Variants in TRIM62 observed in about 807,000 individuals in gnomAD.
TRIM62 encodes tripartite motif containing 62.
TRIM62 carries 39 observed loss-of-function variants against 44.2 expected under a neutral mutation model. The observed-to-expected ratio is 0.88, with a 90% CI of 0.68 to 1.15. TRIM62 has a LOEUF of 1.15. Among genes scored for constraint, TRIM62 ranks in the 50% most tolerant of loss-of-function variants. The pLI, the probability that TRIM62 is intolerant of heterozygous loss-of-function variation, is 0.00. For synonymous variants in TRIM62, 278 were observed against 292.3 expected, an observed-to-expected ratio of 0.95 and a Z score of 0.50; for missense variants, 544 against 665.5, an observed-to-expected ratio of 0.82 and a Z score of 2.01.
rs1553171107 is a variant in TRIM62, at chr1:33,165,419, A to AGCCCTGCCCTCATCTCTGCCG, written c.504+31_504+51dup. 3 of 1,491,140 alleles carry AGCCCTGCCCTCATCTCTGCCG rather than the reference A, an allele frequency of 2.0e-6. No individual in the cohort carries two copies. In the African/African-American group the frequency reaches 4.2e-5, roughly 21 times the overall value. The allele number at this position is 1,491,140 out of a possible 1,614,324, so 92.4% of individuals were successfully genotyped here. ...TTCCCCAGCTGGCCCCGCCCCTCGA[A>AGCCCTGCCCTCATCTCTGCCG]GCCCTGCCCTCATCTCTGCCGGCCC... On this transcript the variant is annotated intron_variant, in intron 2 of 4. Transcript: ENST00000291416. This position sits in a 1 kb window ranked among gnomAD's most constrained non-coding sequence, Gnocchi z 4.0.
intron 4 of TRIM62, among the ~76,000 whole-genome samples, chr1:33,149,145 C>T (rs1645060824): frequency 6.6e-6 from 1 of 152,092 alleles, no homozygotes; most frequent in Admixed American, 6.6e-5. Context: ...TTCCTTTTGC[C>T]TCTTCTTTTT....
rs1645343164 is a variant in TRIM62, at chr1:33,167,960, C to T, written c.409-2394G>A. On this transcript the variant is annotated intron_variant, in intron 1 of 4. Transcript: ENST00000291416. The surrounding 1 kb of genome is among the most constrained non-coding windows in gnomAD (Gnocchi z 4.2). Reference sequence around the variant, plus strand: ...GGCGAAGGACAAGACAGACACAGTCCCTGATCATAGGGACTAGTCTGGTGG... The same window carrying T: ...GGCGAAGGACAAGACAGACACAGTCTCTGATCATAGGGACTAGTCTGGTGG... Among the ~76,000 whole-genome samples the T allele has an allele frequency of 6.6e-6, 1 of 152,116 alleles. No individual in the cohort carries two copies. Among genetic ancestry groups the T allele is most frequent in the Non-Finnish European group, 1.5e-5 (1 of 68,026 alleles).
chr1:33,165,370 C>T lies in TRIM62; in HGVS notation c.504+101G>A, dbSNP rs1212854099. 5 of 1,138,498 alleles carry T rather than the reference C, an allele frequency of 4.4e-6. No individual in the cohort carries two copies. Among genetic ancestry groups the T allele is most frequent in the Admixed American group, 2.5e-5 (1 of 40,768 alleles). The allele number at this position is 1,138,498 out of a possible 1,614,324, so 70.5% of individuals were successfully genotyped here. On this transcript the variant is annotated intron_variant, in intron 2 of 4. Transcript: ENST00000291416. This position sits in a 1 kb window ranked among gnomAD's most constrained non-coding sequence, Gnocchi z 4.0. The stretch of plus-strand genomic sequence containing the variant: ...TGGCTCCTTGAAGCCAGGTTTCCAC[C>T]GCACACCCGAGGCCCCGCCCCTCTT...
rs181655405 is a variant in TRIM62 at position 33,170,431 on chromosome 1, G to A, written c.409-4865C>T. On this transcript the variant is annotated intron_variant, in intron 1 of 4. Coordinates refer to ENST00000291416, the MANE Select transcript of TRIM62 (RefSeq NM_018207.3). Reference sequence around the variant, plus strand: ...AAAAATCTCCCCCACTAGATTATGGGCTCTTGAGGGCAAGGACTGTGGAAA... The same window carrying A: ...AAAAATCTCCCCCACTAGATTATGGACTCTTGAGGGCAAGGACTGTGGAAA... Among the ~76,000 whole-genome samples the A allele has an allele frequency of 2.2e-3, 340 of 152,152 alleles. 1 individual carries two copies. Among genetic ancestry groups the A allele is most frequent in the Middle Eastern group, 6.8e-3 (2 of 294 alleles).
rs1645335760 is a variant in TRIM62, at chr1:33,167,086, C to G, written c.409-1520G>C. Among the ~76,000 whole-genome samples, 2 of 152,250 alleles carry G rather than the reference C, an allele frequency of 1.3e-5. No homozygotes were observed. The highest frequency in any genetic ancestry group is 2.1e-4 in the South Asian group (1 of 4,818). ...ATCTTCAGACTATGCCCTGGCTATT[C>G]CCTCTGGCTGGTGGCCTCCACTCTC... is the stretch of plus-strand genomic sequence containing the variant. On this transcript the variant is annotated intron_variant, in intron 1 of 4. Coordinates refer to ENST00000291416, the MANE Select transcript of TRIM62 (RefSeq NM_018207.3). The surrounding 1 kb of genome is among the most constrained non-coding windows in gnomAD (Gnocchi z 4.2).
At position 33,159,880 on chromosome 1, in the gene TRIM62, C is replaced by A; in HGVS notation, c.569G>T (p.Arg190Leu). ...CTCTAGCATGGCCTTCTGGCGTTCA[C>A]GCAGCAGCCGGTGCAGCCGCTCGAA... ...EAFERLHRLL[R>L]ERQKAMLEEL... The change falls in exon 3 of 5, where the codon CGT becomes CTT. Residue 190 changes from arginine (R) to leucine (L), a missense_variant. Coordinates refer to ENST00000291416, the MANE Select transcript of TRIM62 (RefSeq NM_018207.3). The surrounding 1 kb of genome is among the most constrained non-coding windows in gnomAD (Gnocchi z 4.2). 1 of 1,611,834 alleles carries A rather than the reference C, an allele frequency of 6.2e-7. No homozygotes were observed. Among genetic ancestry groups the A allele is most frequent in the Non-Finnish European group, 8.5e-7 (1 of 1,180,014 alleles).
At position 33,158,427 on chromosome 1, in the gene TRIM62, G is replaced by C. The variant is rs1645211877; in HGVS notation, c.762-59C>G. ...GGACTGGATTCCTGCCCCAATGCCA[G>C]GGGCCCCGCAGCCACCTTCAGGGCA... On this transcript the variant is annotated intron_variant, in intron 3 of 4. Transcript: ENST00000291416. The C allele has an allele frequency of 3.4e-6, 5 of 1,491,644 alleles. No homozygotes were observed. The South Asian group carries it at 5.7e-5, about 17-fold the overall frequency. The allele number at this position is 1,491,644 out of a possible 1,614,324, so 92.4% of individuals were successfully genotyped here. A position where few individuals can be genotyped will look rare whatever the true frequency, so the allele number is the denominator to read the frequency against.
chr1:33,169,867 A>G (rs1645359353), intron 1 of TRIM62, among the ~76,000 whole-genome samples: 3 of 152,176 alleles, frequency 2.0e-5, no homozygotes, highest in Admixed American at 2.0e-4. Flanking sequence ...CTGCAGACAC[A>G]CTGAGCAGCT....
At chr1:33,176,439 GTC>G in intron 1 of TRIM62, 1 of 697,832 alleles carries the variant, frequency 1.4e-6, no homozygotes, top group Non-Finnish European at 2.6e-6. Flanking sequence ...ATCCACTGCT[GTC>G]TTCTCTGGCA....
At chr1:33,172,267 G>C (rs1444730626) in intron 1 of TRIM62, among the ~76,000 whole-genome samples, 2 of 152,194 alleles carry the variant, frequency 1.3e-5, no homozygotes, top group East Asian at 3.8e-4. Context: ...GAAGGAGTTT[G>C]TTTCTGATGG....
chr1:33,145,901 C>G lies in TRIM62; in HGVS notation c.*1276G>C, dbSNP rs1389953722. ...CCCAGACTCCCTTGCAGCCAAGGTTCTGGATCTGACTTAAGTTCCCCCAAA... is the reference window on the plus strand; with the variant it reads ...CCCAGACTCCCTTGCAGCCAAGGTTGTGGATCTGACTTAAGTTCCCCCAAA... On this transcript the variant is annotated 3_prime_UTR_variant, in exon 5 of 5. Coordinates refer to ENST00000291416, the MANE Select transcript of TRIM62 (RefSeq NM_018207.3). 2.1e-6 allele frequency: 1 copy of G among 471,170 alleles called. No homozygotes were observed. 29.2% of individuals were successfully genotyped at this position (471,170 alleles called of 1,614,324 possible).
chr1:33,151,900 T>C (rs923482947), intron 4 of TRIM62, among the ~76,000 whole-genome samples: 1 of 152,214 alleles, frequency 6.6e-6, no homozygotes, highest in Non-Finnish European at 1.5e-5. Context: ...GTGAGTGGAT[T>C]GTGTTTCTTT....
Position 33,177,083 on chromosome 1 carries a change from ATG to A in TRIM62, c.408+3940_408+3941del, listed in dbSNP as rs1192581403. On this transcript the variant is annotated intron_variant, in intron 1 of 4. Coordinates refer to ENST00000291416, the MANE Select transcript of TRIM62 (RefSeq NM_018207.3). The surrounding 1 kb of genome is among the most constrained non-coding windows in gnomAD (Gnocchi z 4.1). The stretch of plus-strand genomic sequence containing the variant: ...CACACACATGCACACACACACATGC[ATG>A]CACAAATGCACACACATGCACACAC... 6.6e-6 allele frequency among the ~76,000 whole-genome samples: 1 copy of A among 151,050 alleles called. No individual in the cohort carries two copies. Among genetic ancestry groups the A allele is most frequent in the Admixed American group, 6.6e-5 (1 of 15,166 alleles).
intron 1 of TRIM62, among the ~76,000 whole-genome samples, chr1:33,178,721 G>T (rs1645439681): frequency 6.6e-6 from 1 of 152,242 alleles, no homozygotes; most frequent in African/African-American, 2.4e-5. Flanking sequence ...GCCCACAGCA[G>T]GTTTGGAACC....
At chr1:33,170,988 G>T (rs1645369889) in intron 1 of TRIM62, among the ~76,000 whole-genome samples, 1 of 152,076 alleles carries the variant, frequency 6.6e-6, no homozygotes, top group South Asian at 2.1e-4. Context: ...TCGCTTCTTT[G>T]TGTCTTCATC....
intron 4 of TRIM62, among the ~76,000 whole-genome samples, chr1:33,154,669 G>T (rs1645150053): frequency 6.6e-6 from 1 of 151,694 alleles, no homozygotes. Context: ...GCAGTGGCGT[G>T]TGCCTGTAAT....
rs1645434571 is a variant in TRIM62, at chr1:33,177,915, G to C, written c.408+3110C>G. Among the ~76,000 whole-genome samples, 1 of 152,164 alleles carries C rather than the reference G, an allele frequency of 6.6e-6. No homozygotes were observed. Among genetic ancestry groups the C allele is most frequent in the African/African-American group, 2.4e-5 (1 of 41,418 alleles). ...TAATTACTTCCATGCTGTCCATGAA[G>C]GACCCAAGGCTCAGAGATGGTAAAT... On this transcript the variant is annotated intron_variant, in intron 1 of 4. Coordinates refer to ENST00000291416, the MANE Select transcript of TRIM62 (RefSeq NM_018207.3). This position sits in a 1 kb window ranked among gnomAD's most constrained non-coding sequence, Gnocchi z 4.1.
Position 33,165,846 on chromosome 1 carries a change from T to C in TRIM62, c.409-280A>G. 7.3e-6 allele frequency: 2 copies of C among 274,024 alleles called. No homozygotes were observed. The highest frequency in any genetic ancestry group is 1.3e-4 in the East Asian group (2 of 15,496). The allele number at this position is 274,024 out of a possible 1,614,324, so 17.0% of individuals were successfully genotyped here. ...AATCGACTTCCACATACACACTCTC[T>C]GGCTCCCCACACTTGGCCCTGGATC... On this transcript the variant is annotated intron_variant, in intron 1 of 4. Coordinates refer to ENST00000291416, the MANE Select transcript of TRIM62 (RefSeq NM_018207.3). This position sits in a 1 kb window ranked among gnomAD's most constrained non-coding sequence, Gnocchi z 4.0.
In TRIM62 at chr1:33,159,426, C is replaced by T. The variant is rs1373154556; in HGVS notation, c.761+262G>A. Among the ~76,000 whole-genome samples the T allele has an allele frequency of 1.3e-5, 2 of 152,200 alleles. No individual in the cohort carries two copies. The highest frequency in any genetic ancestry group is 2.9e-5 in the Non-Finnish European group (2 of 68,038). ...CTCTCCTGCACCCCTAGAGCCAAGACAGCAGGGTCAAAGTGGCTGCCCTCT... is the reference window on the plus strand; with the variant it reads ...CTCTCCTGCACCCCTAGAGCCAAGATAGCAGGGTCAAAGTGGCTGCCCTCT... On this transcript the variant is annotated intron_variant, in intron 3 of 4. Transcript: ENST00000291416. The surrounding 1 kb of genome is among the most constrained non-coding windows in gnomAD (Gnocchi z 4.2).
Sources: gnomAD v4.1 joint callset for allele counts (sites outside exome capture counted in the v4.1 genomes callset) on GRCh38, gnomAD v4.1.1 for gene constraint, Gnocchi (gnomAD v3.1) non-coding constraint, MANE v1.5 for transcripts, NCBI Gene and HGNC (gene_info 2026-07-23, HGNC 2026-07-21) for gene names.